The following NR1D2 variants were observed in gnomAD, a reference collection of about 807,000 sequenced individuals.
The protein encoded by NR1D2 is V-erbA-related protein 1-related.
A neutral mutation model predicts 52.2 loss-of-function variants in NR1D2; 25 were observed. The observed-to-expected ratio is 0.48, with a 90% CI of 0.35 to 0.67. NR1D2 has a LOEUF of 0.67. Ranked by LOEUF, NR1D2 falls within the 30% of genes least tolerant of loss-of-function variation. NR1D2 has a pLI of 0.01. For synonymous variants in NR1D2, 259 were observed against 230.1 expected, an observed-to-expected ratio of 1.13 and a Z score of -1.14; for missense variants, 681 against 707.2, an observed-to-expected ratio of 0.96 and a Z score of 0.42.
rs1445240152 is a variant in NR1D2 at position 23,959,833 on chromosome 3, A to T, written c.517+18A>T. 2 of 1,606,934 alleles carry T rather than the reference A, an allele frequency of 1.2e-6. No individual in the cohort carries two copies. Among genetic ancestry groups the T allele is most frequent in the Non-Finnish European group, 1.7e-6 (2 of 1,177,110 alleles). On this transcript the variant is annotated intron_variant, in intron 4 of 7. Transcript: ENST00000312521. ...AAGAGATGGTATGTTCCCAGTTTAA[A>T]GAGTGTTCCTAAAGTGTATGGAGCT...
At chr3:23,971,925 AC>A (rs1487399115) in intron 7 of NR1D2, among the ~76,000 whole-genome samples, 3 of 152,362 alleles carry the variant, frequency 2.0e-5, no homozygotes, top group African/African-American at 7.2e-5. Flanking sequence ...TGTAAATAGT[AC>A]TTACAGTGTT....
At chr3:23,968,474 G>T (rs573743167) in intron 7 of NR1D2, among the ~76,000 whole-genome samples, 5 of 152,214 alleles carry the variant, frequency 3.3e-5, no homozygotes, top group Admixed American at 6.5e-5. Flanking sequence ...CTTTAGTCCA[G>T]TTCTGCCATT....
At chr3:23,965,232 A>ATTAT in intron 6 of NR1D2, 70 bp downstream of exon 6, 5 of 686,922 alleles carry the variant, frequency 7.3e-6, no homozygotes, top group Non-Finnish European at 1.1e-5. Context: ...GGATGTTTTA[A>ATTAT]TTCTTTTTTT....
chr3:23,972,979 A>T (rs1706629700), intron 7 of NR1D2, among the ~76,000 whole-genome samples: 2 of 152,216 alleles, frequency 1.3e-5, no homozygotes. Context: ...AGGTCATCTA[A>T]ACACAAAATA....
chr3:23,977,323 C>T lies in NR1D2; in HGVS notation c.1644C>T (p.Ala548=), dbSNP rs377622894. ...TAATGAAAAACCATCCAAATGAGGC[C>T]TCTATTTTTACAAAACTGCTTCTAA... ...TLIMKNHPNE[A]SIFTKLLLKL... The change falls in exon 8 of 8, where the codon GCC becomes GCT. Residue 548 remains alanine, a synonymous_variant. Coordinates refer to ENST00000312521, the MANE Select transcript of NR1D2 (RefSeq NM_005126.5). The T allele has an allele frequency of 2.2e-5, 36 of 1,613,298 alleles. No homozygotes were observed. Among genetic ancestry groups the T allele is most frequent in the Admixed American group, 6.7e-5 (4 of 59,924 alleles).
At chr3:23,946,844 C>T (rs993088198) in intron 1 of NR1D2, among the ~76,000 whole-genome samples, 1 of 152,064 alleles carries the variant, frequency 6.6e-6, no homozygotes, top group Non-Finnish European at 1.5e-5. Context: ...TTTTGTCTGC[C>T]CCAAATGATG....
chr3:23,949,144 TC>T (rs1705857980), intron 1 of NR1D2, among the ~76,000 whole-genome samples: 1 of 152,174 alleles, frequency 6.6e-6, no homozygotes, highest in South Asian at 2.1e-4. Context: ...GATGGGCAGA[TC>T]ACCTGAGGTC....
chr3:23,974,688 A>G (rs1306299746), intron 7 of NR1D2, among the ~76,000 whole-genome samples: 3 of 152,208 alleles, frequency 2.0e-5, no homozygotes, highest in Admixed American at 6.5e-5. Context: ...TCAAATCATT[A>G]CTGAAGGCTT....
intron 3 of NR1D2, 28 bp downstream of exon 3, chr3:23,956,153 T>A (rs905446606): frequency 1.3e-6 from 2 of 1,552,406 alleles, no homozygotes; most frequent in South Asian, 2.2e-5. Context: ...TTCTTTAAGC[T>A]ACTGATTCTG....
intron 3 of NR1D2, among the ~76,000 whole-genome samples, chr3:23,957,396 T>C (rs1156932831): frequency 1.4e-4 from 2 of 14,758 alleles, no homozygotes; most frequent in Admixed American, 1.0e-3. Flanking sequence ...ATATCTTTTT[T>C]TTTTTTTTTT....
At chr3:23,965,658 C>T (rs1706423446) in intron 6 of NR1D2, among the ~76,000 whole-genome samples, 1 of 151,852 alleles carries the variant, frequency 6.6e-6, no homozygotes, top group Non-Finnish European at 1.5e-5. Flanking sequence ...CTTGGTAAAT[C>T]CAGAATTGTT....
chr3:23,954,554 A>T lies in NR1D2; in HGVS notation c.34A>T (p.Ile12Phe). 6.2e-7 allele frequency: 1 copy of T among 1,614,032 alleles called. No individual in the cohort carries two copies. The highest frequency in any genetic ancestry group is 8.5e-7 in the Non-Finnish European group (1 of 1,179,920). The change falls in exon 2 of 8, where the codon ATC (isoleucine) becomes TTC (phenylalanine). Residue 12 changes from isoleucine (I) to phenylalanine (F), a missense_variant. Physicochemically the swap from Ile to Phe is conservative, Grantham distance 21 (BLOSUM62 0). Around this residue, in one of 3 missense-constraint regions of NR1D2, gnomAD observed 94 missense variants for 90.4 expected, o/e 1.04. Transcript: ENST00000312521. ...EVNAGGVIAY[I>F]SSSSSASSPA... is the part of the protein sequence containing the mutation. ...TTTTCTAGGAGGTGTGATTGCCTAT[A>T]TCAGTTCTTCCAGCTCAGCCTCAAG...
intron 1 of NR1D2, chr3:23,946,672 A>G (rs957096055): frequency 5.3e-5 from 8 of 152,248 alleles, no homozygotes; most frequent in Non-Finnish European, 7.3e-5. Context: ...GGTGACTCCA[A>G]CACCATATGT....
chr3:23,973,420 CAAT>C (rs1706641985), intron 7 of NR1D2, among the ~76,000 whole-genome samples: 1 of 152,082 alleles, frequency 6.6e-6, no homozygotes, highest in African/African-American at 2.4e-5. Context: ...GTTTGTAACA[CAAT>C]AAGTATTTGT....
chr3:23,972,638 A>G (rs913218939), intron 7 of NR1D2, among the ~76,000 whole-genome samples: 7 of 152,170 alleles, frequency 4.6e-5, no homozygotes, highest in Non-Finnish European at 2.9e-5. Flanking sequence ...TAAATAGAAT[A>G]TTTGGTGAGG....
At chr3:23,964,268 A>G (rs6790557) in intron 5 of NR1D2, among the ~76,000 whole-genome samples, 119,720 of 151,786 alleles carry the variant, frequency 0.79, 47,945 homozygotes, top group African/African-American at 0.91. Context: ...TGGTAGAGAC[A>G]GGGTTTCACC....
chr3:23,950,222 A>C (rs534037512), intron 1 of NR1D2, among the ~76,000 whole-genome samples: 2 of 152,374 alleles, frequency 1.3e-5, no homozygotes, highest in African/African-American at 4.8e-5. Flanking sequence ...ATTTTATAGA[A>C]GACCACTCAG....
chr3:23,945,511 A>AGGC lies in NR1D2; in HGVS notation c.-54_-52dup, dbSNP rs369955272. The AGGC allele has an allele frequency of 0.42, 384,635 of 926,314 alleles. 79,984 individuals are homozygous for AGGC. The highest frequency in any genetic ancestry group is 0.49 in the South Asian group (9,521 of 19,494). The allele number at this position is 926,314 out of a possible 1,614,324, so 57.4% of individuals were successfully genotyped here. The stretch of plus-strand genomic sequence containing the variant: ...TCCAGCCCGGGGCGGCGCGGCGCTG[A>AGGC]GGCGGCGGCGGCGGCGCTGCCCCCT... On this transcript the variant is annotated 5_prime_UTR_variant, in exon 1 of 8. Transcript: ENST00000312521.
Position 23,962,387 on chromosome 3 carries a change from C to G in NR1D2, c.928C>G (p.Pro310Ala). Residue 310 changes from proline (P) to alanine (A), a missense_variant, in exon 5 of 8, where the codon CCC becomes GCC. Coordinates refer to ENST00000312521, the MANE Select transcript of NR1D2 (RefSeq NM_005126.5). The stretch of plus-strand genomic sequence containing the variant: ...CGGCAATGGGCTTAGCAGCCATTTT[C>G]CCTGTAGTGAGAGCCAGCAGCATCT... ...HCGNGLSSHF[P>A]CSESQQHLNG... is the part of the protein sequence containing the mutation. 6.2e-7 allele frequency: 1 copy of G among 1,614,146 alleles called. No homozygotes were observed. The highest frequency in any genetic ancestry group is 8.5e-7 in the Non-Finnish European group (1 of 1,180,014).
Sources: gnomAD v4.1 joint callset for allele counts (sites outside exome capture counted in the v4.1 genomes callset) on GRCh38, gnomAD v4.1.1 for gene constraint, gnomAD v4.1.1 regional missense constraint, MANE v1.5 for transcripts, NCBI Gene and HGNC (gene_info 2026-07-23, HGNC 2026-07-21) for gene names.